Variants in NDUFB6 observed in about 807,000 individuals in gnomAD.
The protein encoded by NDUFB6 is NADH dehydrogenase [ubiquinone] 1 beta subcomplex subunit 6.
A neutral mutation model predicts 17.5 loss-of-function variants in NDUFB6; 23 were observed. That is an observed-to-expected ratio of 1.31 (90% CI 0.94 to 1.86). The LOEUF is 1.86. Among genes scored for constraint, NDUFB6 ranks in the 40% most tolerant of loss-of-function variants. The probability of loss-of-function intolerance (pLI) is 0.00; values close to 1 mark genes in which losing one functional copy is unlikely to be tolerated. For missense variants in NDUFB6, 167 were observed against 153.8 expected (o/e 1.09, Z -0.46); for synonymous variants, 60 against 53.5 (o/e 1.12, Z -0.53).
At chr9:32,567,002 G>C in intron 2 of NDUFB6, 1 of 502,580 alleles carries the variant, frequency 2.0e-6, no homozygotes, top group South Asian at 1.7e-5. Flanking sequence ...TGCCATCCTC[G>C]TACGAGGGAG....
intron 1 of NDUFB6, among the ~76,000 whole-genome samples, chr9:32,571,301 A>T (rs55861725): frequency 0.38 from 57,290 of 151,836 alleles, 11,432 homozygotes; most frequent in South Asian, 0.46. Flanking sequence ...ATAACAAGGC[A>T]TTTATAGATT....
At chr9:32,559,053 T>G (rs1821555642) in intron 2 of NDUFB6, 99 bp from the exon 3 acceptor site, 2 of 745,418 alleles carry the variant, frequency 2.7e-6, no homozygotes, top group East Asian at 5.2e-5. Flanking sequence ...AGCTCCAAAC[T>G]TTCACAGAAC....
intron 3 of NDUFB6, among the ~76,000 whole-genome samples, chr9:32,556,980 T>C (rs866201104): frequency 6.8e-6 from 1 of 146,974 alleles, no homozygotes; most frequent in African/African-American, 2.5e-5. Context: ...GCCTCCCCGG[T>C]AGCTAGGATT....
In NDUFB6 at chr9:32,553,945, C is replaced by T; in HGVS notation, c.319-1G>A. 1.3e-6 allele frequency: 2 copies of T among 1,580,156 alleles called. No homozygotes were observed. Among genetic ancestry groups the T allele is most frequent in the Non-Finnish European group, 1.7e-6 (2 of 1,152,150 alleles). ...CTCCAGTCTCCAGAATTGTATCACC[C>T]TAGGAAAACAAAGATACAGTTAGTA... On this transcript the variant is annotated splice_acceptor_variant, in intron 3 of 3. Transcript: ENST00000379847. LOFTEE classifies it high-confidence loss of function.
rs1262928813 is a variant in NDUFB6, at chr9:32,553,147, G to A, written c.*729C>T. ...CAGTCTTGAGTGTCAGATCATAGTT[G>A]GAATAAGCTTTTCAATCAAGTTTCT... On this transcript the variant is annotated 3_prime_UTR_variant, in exon 4 of 4. Coordinates refer to ENST00000379847, the MANE Select transcript of NDUFB6 (RefSeq NM_002493.5). 4.9e-6 allele frequency: 2 copies of A among 411,580 alleles called. No individual in the cohort carries two copies. The highest frequency in any genetic ancestry group is 2.1e-5 in the African/African-American group (1 of 48,244). 25.5% of individuals were successfully genotyped at this position (411,580 alleles called of 1,614,324 possible).
intron 3 of NDUFB6, 60 bp downstream of exon 3, chr9:32,558,850 G>A (rs1285091682): frequency 9.4e-6 from 11 of 1,169,800 alleles, no homozygotes; most frequent in East Asian, 2.4e-5. Context: ...GCTTGGAAAG[G>A]GAGGAAAAGG....
intron 2 of NDUFB6, chr9:32,566,344 C>G: frequency 8.5e-7 from 1 of 1,175,132 alleles, no homozygotes; most frequent in Non-Finnish European, 1.3e-6. Flanking sequence ...ACTGCTTCCA[C>G]CAGTGTAGGA....
At chr9:32,560,042 C>T (rs1426708174) in intron 2 of NDUFB6, among the ~76,000 whole-genome samples, 1 of 152,162 alleles carries the variant, frequency 6.6e-6, no homozygotes, top group Non-Finnish European at 1.5e-5. Context: ...ACTCAGAATA[C>T]AATGTGAGCA....
intron 2 of NDUFB6, chr9:32,567,738 TA>T (rs1821840501): frequency 3.1e-6 from 1 of 323,538 alleles, no homozygotes; most frequent in Non-Finnish European, 6.4e-6. Flanking sequence ...CCATATAAGA[TA>T]GTGAATTTAA....
chr9:32,567,716 C>T (rs886630674), intron 2 of NDUFB6: 3 of 341,042 alleles, frequency 8.8e-6, no homozygotes, highest in African/African-American at 6.5e-5. Context: ...TTAGGGGCAA[C>T]ACAAATCACA....
chr9:32,557,754 C>T (rs1463490071), intron 3 of NDUFB6, among the ~76,000 whole-genome samples: 2 of 151,468 alleles, frequency 1.3e-5, no homozygotes, highest in African/African-American at 2.4e-5. Flanking sequence ...TGGGATTACA[C>T]GCGTGAGCCA....
chr9:32,558,995 A>G, intron 2 of NDUFB6, 41 bp from the exon 3 acceptor site: 2 of 1,433,374 alleles, frequency 1.4e-6, no homozygotes, highest in Non-Finnish European at 1.9e-6. Context: ...TGGTGTTAAG[A>G]GTTTCTTCTG....
In NDUFB6 at chr9:32,557,179, T is replaced by C. The variant is rs1210270876; in HGVS notation, c.318+1731A>G. Among the ~76,000 whole-genome samples the C allele has an allele frequency of 8.5e-4, 89 of 104,308 alleles. No individual in the cohort carries two copies. In the Middle Eastern group the frequency reaches 0.022, roughly 25 times the overall value. 68.4% of individuals were successfully genotyped at this position (104,308 alleles called of 152,430 possible). A position where few individuals can be genotyped will look rare whatever the true frequency, so the allele number is the denominator to read the frequency against. ...GGCCCCCACTTTTTTTTTTTTTTTTTCCCGAGACAGAGTCTCACTCTGTGA... is the reference window on the plus strand; with the variant it reads ...GGCCCCCACTTTTTTTTTTTTTTTTCCCCGAGACAGAGTCTCACTCTGTGA... On this transcript the variant is annotated intron_variant, in intron 3 of 3. Transcript: ENST00000379847.
chr9:32,554,904 G>C (rs1377592829), intron 3 of NDUFB6, among the ~76,000 whole-genome samples: 2 of 152,162 alleles, frequency 1.3e-5, no homozygotes, highest in East Asian at 1.9e-4. Context: ...TAATGAACTT[G>C]AGGTTCTAGA....
At chr9:32,569,654 T>C (rs145705862) in intron 2 of NDUFB6, among the ~76,000 whole-genome samples, 224 of 152,230 alleles carry the variant, frequency 1.5e-3, no homozygotes, top group African/African-American at 5.2e-3. Flanking sequence ...GCTGGGATTA[T>C]AGGTGTGGAC....
intron 2 of NDUFB6, among the ~76,000 whole-genome samples, chr9:32,565,046 A>G (rs928005347): frequency 2.0e-5 from 3 of 152,164 alleles, no homozygotes; most frequent in African/African-American, 7.2e-5. Context: ...TAATCCCAGC[A>G]CTTTGGGTGG....
intron 2 of NDUFB6, 125 bp downstream of exon 2, chr9:32,570,835 G>A (rs1345584268): frequency 1.8e-6 from 1 of 569,104 alleles, no homozygotes; most frequent in East Asian, 3.3e-5. Context: ...TTACCTAAGA[G>A]AATTCAAAGT....
At chr9:32,563,504 T>TTTTTTTTTTTTTTTTTTTTTTTTTTGG (rs74178817) in intron 2 of NDUFB6, among the ~76,000 whole-genome samples, 1 of 148,768 alleles carries the variant, frequency 6.7e-6, no homozygotes, top group African/African-American at 2.5e-5. Flanking sequence ...TTTTTTTTTT[T>TTTTTTTTTTTTTTTTTTTTTTTTTTGG]GGAGGGATGG....
chr9:32,566,485 C>G (rs1821793618), intron 2 of NDUFB6: 3 of 790,742 alleles, frequency 3.8e-6, no homozygotes, highest in Non-Finnish European at 7.0e-6. Flanking sequence ...GGGACCCTGG[C>G]AGGAGAACTA....
Sources: allele counts gnomAD v4.1 joint callset (sites outside exome capture counted in the v4.1 genomes callset), GRCh38; gene constraint gnomAD v4.1.1; transcripts MANE v1.5; gene names NCBI Gene and HGNC (gene_info 2026-07-23, HGNC 2026-07-21).